The following SH3BGRL2 variants were observed in gnomAD, a reference collection of about 807,000 sequenced individuals.
The protein encoded by SH3BGRL2 is SH3 domain binding glutamate rich protein like 2, also known as SH3 domain-binding glutamic acid-rich-like protein 2.
A neutral mutation model predicts 14.8 loss-of-function variants in SH3BGRL2; 21 were observed. The observed-to-expected ratio is 1.42, with a 90% CI of 1.01 to 2.05. The LOEUF (loss-of-function observed/expected upper bound fraction) is 2.05. Ranked by LOEUF, SH3BGRL2 falls within the 30% of genes most tolerant of loss-of-function variation. SH3BGRL2 has a pLI of 0.00. For missense variants in SH3BGRL2, 147 were observed against 130.8 expected, an observed-to-expected ratio of 1.12 and a Z score of -0.61; for synonymous variants, 50 against 47.8, an observed-to-expected ratio of 1.05 and a Z score of -0.19.
chr6:79,696,613 A>G (rs1770337371), intron 3 of SH3BGRL2, 48 bp downstream of exon 3: 5 of 1,394,262 alleles, frequency 3.6e-6, no homozygotes, highest in Admixed American at 2.5e-5. Flanking sequence ...TCTCTTTTGA[A>G]TTTTTCTTAG....
rs149522096 is a variant in SH3BGRL2 at position 79,662,246 on chromosome 6, G to A, written c.46-11368G>A. 4.4e-3 allele frequency among the ~76,000 whole-genome samples: 669 copies of A among 152,250 alleles called. 12 individuals carry two copies. The highest frequency in any genetic ancestry group is 0.015 in the African/African-American group (616 of 41,546). On this transcript the variant is annotated intron_variant, in intron 1 of 3. Transcript: ENST00000369838. The stretch of plus-strand genomic sequence containing the variant: ...TTGCAGTTTCTTCATAGCATCGATG[G>A]TCTTTACAATTTGGCATGTTTTTAT...
chr6:79,679,479 T>A (rs1210466221), intron 2 of SH3BGRL2, among the ~76,000 whole-genome samples: 1 of 152,090 alleles, frequency 6.6e-6, no homozygotes, highest in African/African-American at 2.4e-5. Context: ...TTGATTTAAG[T>A]TCCTTATAAA....
chr6:79,644,212 T>C (rs1169653592), intron 1 of SH3BGRL2, among the ~76,000 whole-genome samples: 1 of 152,186 alleles, frequency 6.6e-6, no homozygotes, highest in Non-Finnish European at 1.5e-5. Flanking sequence ...AAAGGTGTTC[T>C]TGTGAGTGGA....
At chr6:79,698,790 C>T (rs1171729700) in intron 3 of SH3BGRL2, among the ~76,000 whole-genome samples, 1 of 152,062 alleles carries the variant, frequency 6.6e-6, no homozygotes, top group Non-Finnish European at 1.5e-5. Flanking sequence ...TGGCTGGAGC[C>T]CACAGTGGCT....
chr6:79,558,276 T>C, the SH3BGRL2 span, among the ~76,000 whole-genome samples: 1 of 152,140 alleles, frequency 6.6e-6, no homozygotes, highest in East Asian at 1.9e-4. Flanking sequence ...GCACAGGTCA[T>C]ATATACACAG....
chr6:79,670,933 G>A (rs753902357), intron 1 of SH3BGRL2, among the ~76,000 whole-genome samples: 3 of 152,142 alleles, frequency 2.0e-5, no homozygotes, highest in Non-Finnish European at 4.4e-5. Context: ...CCTTCCCAAG[G>A]ACTGTCTGCC....
intron 2 of SH3BGRL2, among the ~76,000 whole-genome samples, chr6:79,692,279 G>A (rs1770235555): frequency 6.6e-6 from 1 of 152,108 alleles, no homozygotes; most frequent in Admixed American, 6.5e-5. Flanking sequence ...TGAGTAGGTT[G>A]TGAAAATTTT....
At chr6:79,618,525 G>A in the SH3BGRL2 span, among the ~76,000 whole-genome samples, 1 of 152,138 alleles carries the variant, frequency 6.6e-6, no homozygotes, top group Non-Finnish European at 1.5e-5. Flanking sequence ...GGCCAACATG[G>A]TGAAACCCCA....
At chr6:79,608,801 C>T in the SH3BGRL2 span, among the ~76,000 whole-genome samples, 1 of 152,128 alleles carries the variant, frequency 6.6e-6, no homozygotes, top group Non-Finnish European at 1.5e-5. Flanking sequence ...TGCTTCATTC[C>T]CCTTACCACC....
At chr6:79,625,235 CACATATATATAT>C in the SH3BGRL2 span, among the ~76,000 whole-genome samples, 9 of 129,448 alleles carry the variant, frequency 7.0e-5, no homozygotes, top group African/African-American at 2.7e-4. Flanking sequence ...TATATATATA[CACATATATATAT>C]ACACACACAC....
chr6:79,583,742 G>C, the SH3BGRL2 span, among the ~76,000 whole-genome samples: 1 of 152,180 alleles, frequency 6.6e-6, no homozygotes, highest in Non-Finnish European at 1.5e-5. Context: ...TATGAAACCT[G>C]CACGTTGTGC....
At chr6:79,692,621 C>T (rs1385242669) in intron 2 of SH3BGRL2, among the ~76,000 whole-genome samples, 1 of 152,198 alleles carries the variant, frequency 6.6e-6, no homozygotes, top group East Asian at 1.9e-4. Flanking sequence ...AGACTCCTTT[C>T]CCCATTTCTT....
chr6:79,573,022 A>G, the SH3BGRL2 span, among the ~76,000 whole-genome samples: 1 of 152,180 alleles, frequency 6.6e-6, no homozygotes, highest in Non-Finnish European at 1.5e-5. Context: ...TTGATTCATA[A>G]TCTTTTCCTT....
At chr6:79,698,411 C>T (rs1243322195) in intron 3 of SH3BGRL2, among the ~76,000 whole-genome samples, 2 of 152,180 alleles carry the variant, frequency 1.3e-5, no homozygotes, top group Non-Finnish European at 2.9e-5. Flanking sequence ...GTTTAATGTA[C>T]TAAAAGATGA....
chr6:79,701,086 CAACCAG>C lies in SH3BGRL2; in HGVS notation c.*1580_*1585del, dbSNP rs905368537. 1.3e-4 allele frequency: 20 copies of C among 152,276 alleles called. No homozygotes were observed. The highest frequency in any genetic ancestry group is 4.1e-4 in the African/African-American group (17 of 41,556). The allele number at this position is 152,276 out of a possible 1,614,324, so 9.4% of individuals were successfully genotyped here. On this transcript the variant is annotated 3_prime_UTR_variant, in exon 4 of 4. Transcript: ENST00000369838. Reference sequence around the variant, plus strand: ...ACCTGAGATTTGTAGTCCAGGATTACAACCAGAAGGAAAGTATGACAGATTTCTACT... The same window carrying C: ...ACCTGAGATTTGTAGTCCAGGATTACAAGGAAAGTATGACAGATTTCTACT...
the SH3BGRL2 span, among the ~76,000 whole-genome samples, chr6:79,555,961 A>G: frequency 6.6e-6 from 1 of 152,202 alleles, no homozygotes; most frequent in African/African-American, 2.4e-5. Flanking sequence ...CAAAGAAAAC[A>G]GAAAGAATTA....
At chr6:79,598,343 G>A in the SH3BGRL2 span, among the ~76,000 whole-genome samples, 3 of 152,276 alleles carry the variant, frequency 2.0e-5, no homozygotes, top group East Asian at 5.8e-4. Context: ...AACAATCTAT[G>A]TGTTGTATTT....
intron 2 of SH3BGRL2, among the ~76,000 whole-genome samples, chr6:79,675,577 G>A (rs1314687819): frequency 6.6e-6 from 1 of 151,744 alleles, no homozygotes; most frequent in African/African-American, 2.4e-5. Flanking sequence ...TTTCTCTTGA[G>A]TGCCTATTAA....
the SH3BGRL2 span, chr6:79,561,544 C>T: frequency 6.6e-6 from 1 of 152,140 alleles, no homozygotes; most frequent in African/African-American, 2.4e-5. Context: ...TTAAAATTCA[C>T]CCTGTACTCT....
Sources: allele counts gnomAD v4.1 joint callset (sites outside exome capture counted in the v4.1 genomes callset), GRCh38; gene constraint gnomAD v4.1.1; transcripts MANE v1.5; gene names NCBI Gene and HGNC (gene_info 2026-07-23, HGNC 2026-07-21).